Variants in TANC1 observed in about 807,000 individuals in gnomAD.
TANC1 encodes the protein protein TANC1.
TANC1 carries 77 observed loss-of-function variants against 149.7 expected under a neutral mutation model. The observed-to-expected ratio is 0.51, with a 90% CI of 0.43 to 0.62. The LOEUF (loss-of-function observed/expected upper bound fraction) is 0.62. TANC1 is among the 20% of genes least tolerant of loss of function. TANC1 has a pLI of 0.00. For missense variants in TANC1, 1,985 were observed against 2,321.8 expected, an observed-to-expected ratio of 0.85 and a Z score of 2.98; for synonymous variants, 854 against 925.0, an observed-to-expected ratio of 0.92 and a Z score of 1.39.
chr2:159,231,101 T>C lies in TANC1; in HGVS notation c.*89T>C. 1.8e-6 allele frequency: 2 copies of C among 1,138,944 alleles called. No homozygotes were observed. Among genetic ancestry groups the C allele is most frequent in the Non-Finnish European group, 2.4e-6 (2 of 816,798 alleles). 70.6% of individuals were successfully genotyped at this position (1,138,944 alleles called of 1,614,324 possible). A position where few individuals can be genotyped will look rare whatever the true frequency, so the allele number is the denominator to read the frequency against. Reference sequence around the variant, plus strand: ...TAGTTTTTTTCATCAGAAAAATTATTTTTTAGCCATTTTTTTTCTTTGGGG... The same window carrying C: ...TAGTTTTTTTCATCAGAAAAATTATCTTTTAGCCATTTTTTTTCTTTGGGG... On this transcript the variant is annotated 3_prime_UTR_variant, in exon 27 of 27. Transcript: ENST00000263635.
rs2150739019 is a variant in TANC1, at chr2:159,198,990, C to T, written c.3181C>T (p.Leu1061=). 2 of 1,613,820 alleles carry T rather than the reference C, an allele frequency of 1.2e-6. No individual in the cohort carries two copies. The highest frequency in any genetic ancestry group is 1.7e-6 in the Non-Finnish European group (2 of 1,179,812). ...CTTCTGACAGGTGGTCCAGTGCTTG[C>T]TGGGGATGGAGAAGGAACATGAAGT... is the stretch of plus-strand genomic sequence containing the variant. ...MGHSSVVQCL[L]GMEKEHEVEV... Residue 1061 remains leucine, a synonymous_variant, in exon 19 of 27, where the codon CTG becomes TTG. Coordinates refer to ENST00000263635, the MANE Select transcript of TANC1 (RefSeq NM_033394.3).
At chr2:159,226,046 T>G (rs1164743083) in intron 24 of TANC1, 1 of 420,676 alleles carries the variant, frequency 2.4e-6, no homozygotes, top group Admixed American at 3.9e-5. Flanking sequence ...GCCAGGTGCC[T>G]GTAATCCCAG....
At chr2:159,190,024 T>G (rs372465614) in intron 16 of TANC1, among the ~76,000 whole-genome samples, 36 of 152,356 alleles carry the variant, frequency 2.4e-4, no homozygotes, top group South Asian at 2.1e-3. Flanking sequence ...ACCTCTGCCC[T>G]GAGCACATGC....
rs12988603 is a variant in TANC1, at chr2:159,178,684, C to T, written c.2031C>T (p.Asn677=). The T allele has an allele frequency of 0.33, 526,180 of 1,613,872 alleles. 92,847 individuals are homozygous for T. Among genetic ancestry groups the T allele is most frequent in the Non-Finnish European group, 0.37 (437,452 of 1,179,866 alleles). ...ACAGCAGCCAGGACATCCTCAGCAA[C>T]ATCTCCCTGAATGGCAAGGCCGATG... ...RVHSSQDILS[N]ISLNGKADAT... is the part of the protein sequence containing the mutation. Residue 677 remains asparagine (N), a synonymous_variant, in exon 14 of 27, where the codon AAC becomes AAT. Coordinates refer to ENST00000263635, the MANE Select transcript of TANC1 (RefSeq NM_033394.3).
chr2:159,057,493 G>A (rs1023848111), intron 2 of TANC1, among the ~76,000 whole-genome samples: 2 of 152,190 alleles, frequency 1.3e-5, no homozygotes, highest in Admixed American at 6.5e-5. Context: ...TGGAAAATTA[G>A]GTTGTAACCC....
At chr2:159,095,733 C>A (rs1419487983) in intron 3 of TANC1, among the ~76,000 whole-genome samples, 16 of 100,424 alleles carry the variant, frequency 1.6e-4, no homozygotes, top group African/African-American at 3.5e-4. Context: ...AAGACTGTCT[C>A]AAAAAAAAAA....
intron 3 of TANC1, among the ~76,000 whole-genome samples, chr2:159,067,944 C>T (rs910493924): frequency 6.6e-6 from 1 of 152,156 alleles, no homozygotes; most frequent in African/African-American, 2.4e-5. Context: ...TTTATTTCTC[C>T]CTTTGGTCTT....
chr2:159,149,003 G>A, intron 5 of TANC1, 139 bp from the exon 6 acceptor site: 1 of 923,544 alleles, frequency 1.1e-6, no homozygotes, highest in South Asian at 1.9e-5. Context: ...TAGAGGACAG[G>A]GTGCGTTGTC....
intron 25 of TANC1, chr2:159,228,454 C>G (rs2060150038): frequency 3.4e-6 from 1 of 297,192 alleles, no homozygotes; most frequent in Non-Finnish European, 6.3e-6. Flanking sequence ...TCCTCCTGCC[C>G]CAGTCTGTTG....
At chr2:159,003,634 C>T (rs1471384351) in intron 2 of TANC1, among the ~76,000 whole-genome samples, 2 of 152,242 alleles carry the variant, frequency 1.3e-5, no homozygotes, top group Non-Finnish European at 2.9e-5. Context: ...AGAAGCTCTT[C>T]ATTAACAATA....
chr2:159,125,403 A>G (rs1048055270), intron 4 of TANC1, among the ~76,000 whole-genome samples: 2 of 152,240 alleles, frequency 1.3e-5, no homozygotes, highest in African/African-American at 4.8e-5. Flanking sequence ...TCTTTAGGAC[A>G]GAAGTCCAGG....
intron 1 of TANC1, among the ~76,000 whole-genome samples, chr2:158,991,895 C>G (rs1208631498): frequency 6.6e-6 from 1 of 152,200 alleles, no homozygotes; most frequent in South Asian, 2.1e-4. Flanking sequence ...ATTTCATGCT[C>G]TGACAATAAC....
chr2:159,073,213 G>C (rs531422358), intron 3 of TANC1, among the ~76,000 whole-genome samples: 1 of 152,138 alleles, frequency 6.6e-6, no homozygotes, highest in Non-Finnish European at 1.5e-5. Flanking sequence ...CTTGTCCCCC[G>C]ACCTCTTCAT....
At chr2:159,206,078 G>A (rs187282651) in intron 19 of TANC1, among the ~76,000 whole-genome samples, 39 of 152,350 alleles carry the variant, frequency 2.6e-4, no homozygotes. Flanking sequence ...CCAGACTGCT[G>A]TCAGTCAGAA....
intron 4 of TANC1, among the ~76,000 whole-genome samples, chr2:159,105,053 G>A (rs866707766): frequency 0.031 from 2,473 of 80,954 alleles, 4 homozygotes; most frequent in African/African-American, 0.087. Flanking sequence ...GGAGTGCAGT[G>A]GTGTGATCTG....
intron 3 of TANC1, among the ~76,000 whole-genome samples, chr2:159,094,783 GGT>G (rs2045924052): frequency 1.7e-5 from 2 of 117,198 alleles, no homozygotes; most frequent in South Asian, 4.4e-4. Context: ...GTGGGGGGGG[GGT>G]GGGGGCCAGC....
At chr2:159,095,343 T>C (rs1324084415) in intron 3 of TANC1, among the ~76,000 whole-genome samples, 3 of 152,186 alleles carry the variant, frequency 2.0e-5, no homozygotes, top group Admixed American at 2.0e-4. Flanking sequence ...AAACCGTCCA[T>C]GCATAGGTAA....
intron 2 of TANC1, among the ~76,000 whole-genome samples, chr2:159,009,930 T>C (rs1161273954): frequency 6.6e-6 from 1 of 151,946 alleles, no homozygotes; most frequent in Non-Finnish European, 1.5e-5. Flanking sequence ...GGAAAGAAGG[T>C]AGAAATTGAC....
At chr2:159,067,645 T>C (rs2042786051) in intron 3 of TANC1, among the ~76,000 whole-genome samples, 2 of 152,214 alleles carry the variant, frequency 1.3e-5, no homozygotes. Context: ...TTTATTTGCT[T>C]CTTTAGAAGC....
Sources: gnomAD v4.1 joint callset for allele counts (sites outside exome capture counted in the v4.1 genomes callset) on GRCh38, gnomAD v4.1.1 for gene constraint, MANE v1.5 for transcripts, NCBI Gene and HGNC (gene_info 2026-07-23, HGNC 2026-07-21) for gene names.